GNPTAB: variants seen among roughly 807,000 people sequenced by gnomAD.
GNPTAB encodes N-acetylglucosamine-1-phosphotransferase subunits alpha/beta.
GNPTAB carries 92 observed loss-of-function variants against 136.6 expected under a neutral mutation model. The observed-to-expected ratio is 0.67, with a 90% confidence interval of 0.57 to 0.80. The LOEUF is 0.80. Ranked by LOEUF, GNPTAB falls within the 30% of genes least tolerant of loss-of-function variation. The probability of loss-of-function intolerance (pLI) is 0.00; values close to 1 mark genes in which losing one functional copy is unlikely to be tolerated. For missense variants in GNPTAB, 1,343 were observed against 1,501.8 expected (o/e 0.89, Z 1.75); for synonymous variants, 512 against 535.1 (o/e 0.96, Z 0.60).
chr12:101,751,866 G>A (rs575864363), intron 19 of GNPTAB, among the ~76,000 whole-genome samples: 24 of 152,304 alleles, frequency 1.6e-4, no homozygotes, highest in African/African-American at 3.9e-4. Flanking sequence ...AGGTTCATAC[G>A]CGGGCTCCCC....
chr12:101,780,650 C>A (rs575764520), intron 5 of GNPTAB, 29 bp from the exon 6 acceptor site: 2 of 1,413,440 alleles, frequency 1.4e-6, no homozygotes, highest in African/African-American at 2.8e-5. Flanking sequence ...TAAACAAGCA[C>A]ATTTTTAATG....
chr12:101,759,320 G>A (rs889898381), intron 16 of GNPTAB, among the ~76,000 whole-genome samples: 19 of 131,622 alleles, frequency 1.4e-4, no homozygotes, highest in African/African-American at 4.9e-4. Flanking sequence ...CCAAGATAGC[G>A]CCACTGCACT....
rs1953067542 is a variant in GNPTAB, at chr12:101,765,051, A to G, written c.1866T>C (p.Asp622=). 2 of 1,614,014 alleles carry G rather than the reference A, an allele frequency of 1.2e-6. No individual in the cohort carries two copies. Among genetic ancestry groups the G allele is most frequent in the African/African-American group, 2.7e-5 (2 of 74,924 alleles). Residue 622 remains aspartate, a synonymous_variant, in exon 13 of 21, where the codon GAT becomes GAC. Transcript: ENST00000299314. ...HFNLTFQNTN[D]EEFKMQITVE... ...CTGTTATCTGCATTTTGAACTCTTC[A>G]TCGTTTGTATTTTGAAACGTGAGAT... is the stretch of plus-strand genomic sequence containing the variant.
At chr12:101,798,240 T>C (rs1566091286) in intron 1 of GNPTAB, among the ~76,000 whole-genome samples, 1 of 152,222 alleles carries the variant, frequency 6.6e-6, no homozygotes, top group Non-Finnish European at 1.5e-5. Context: ...CCTGTCGCCC[T>C]GGTGGCTCCT....
At chr12:101,759,332 C>T (rs1310528469) in intron 16 of GNPTAB, among the ~76,000 whole-genome samples, 3 of 132,618 alleles carry the variant, frequency 2.3e-5, no homozygotes, top group South Asian at 5.0e-4. Context: ...CACTGCACTC[C>T]GGCCTGGGTG....
In GNPTAB at chr12:101,746,575, T is replaced by C. The variant is rs574417465; in HGVS notation, c.*589A>G. 1.3e-5 allele frequency: 2 copies of C among 153,470 alleles called. No homozygotes were observed. The highest frequency in any genetic ancestry group is 4.8e-5 in the African/African-American group (2 of 41,578). 9.5% of individuals were successfully genotyped at this position (153,470 alleles called of 1,614,324 possible). A position where few individuals can be genotyped will look rare whatever the true frequency, so the allele number is the denominator to read the frequency against. The stretch of plus-strand genomic sequence containing the variant: ...TCAGTAGTTAGTGGTTTAAGACCAT[T>C]TACAGTCTTAAATATTAATAAAACT... On this transcript the variant is annotated 3_prime_UTR_variant, in exon 21 of 21. Coordinates refer to ENST00000299314, the MANE Select transcript of GNPTAB (RefSeq NM_024312.5).
At chr12:101,755,228 C>T (rs76304844) in intron 18 of GNPTAB, among the ~76,000 whole-genome samples, 95 of 152,122 alleles carry the variant, frequency 6.2e-4, no homozygotes, top group African/African-American at 2.2e-3. Flanking sequence ...TTAGATGAAA[C>T]AAGGTCAAAT....
chr12:101,807,348 T>C (rs1869979308), intron 1 of GNPTAB, among the ~76,000 whole-genome samples: 1 of 152,180 alleles, frequency 6.6e-6, no homozygotes, highest in Non-Finnish European at 1.5e-5. Context: ...AACTACATGC[T>C]TTCCTCCTAA....
At position 101,764,387 on chromosome 12, in the gene GNPTAB, T is replaced by A. The variant is rs1457591234; in HGVS notation, c.2530A>T (p.Ser844Cys). Residue 844 changes from serine (S) to cysteine (C), a missense_variant, in exon 13 of 21, where the codon AGC (serine) becomes TGC (cysteine). Physicochemically the swap from Ser to Cys is moderately radical, Grantham distance 112. Coordinates refer to ENST00000299314, the MANE Select transcript of GNPTAB (RefSeq NM_024312.5). ...ATTTTCTTTTCTTTTGTCATCTGGC[T>A]TTCCAGTGGAACAATCAGAGATGGG... The part of the protein sequence containing the change: ...KPPSLIVPLE[S>C]QMTKEKKITG... The A allele has an allele frequency of 1.2e-5, 19 of 1,613,818 alleles. No individual in the cohort carries two copies. The highest frequency in any genetic ancestry group is 1.5e-5 in the Non-Finnish European group (18 of 1,180,034).
intron 20 of GNPTAB, among the ~76,000 whole-genome samples, chr12:101,748,266 T>G (rs959027241): frequency 1.3e-5 from 2 of 152,234 alleles, no homozygotes; most frequent in African/African-American, 4.8e-5. Flanking sequence ...TCATTTATCC[T>G]GAAGCTCTCA....
At chr12:101,758,823 G>C (rs1312963025) in intron 16 of GNPTAB, among the ~76,000 whole-genome samples, 1 of 152,154 alleles carries the variant, frequency 6.6e-6, no homozygotes, top group Non-Finnish European at 1.5e-5. Flanking sequence ...TTGAAGATTT[G>C]CAAGATCGTA....
intron 13 of GNPTAB, among the ~76,000 whole-genome samples, chr12:101,762,928 A>AAG: frequency 6.6e-6 from 1 of 151,034 alleles, no homozygotes; most frequent in South Asian, 2.1e-4. Context: ...AAAAAAAGGA[A>AAG]AGAGGCCAGA....
chr12:101,810,306 G>A (rs142878085), intron 1 of GNPTAB, among the ~76,000 whole-genome samples: 37 of 151,606 alleles, frequency 2.4e-4, no homozygotes, highest in African/African-American at 8.5e-4. Context: ...ACTATTTAGG[G>A]GAGAGGGAGT....
At chr12:101,795,614 G>A (rs962174334) in intron 2 of GNPTAB, among the ~76,000 whole-genome samples, 4 of 151,822 alleles carry the variant, frequency 2.6e-5, no homozygotes, top group African/African-American at 4.8e-5. Flanking sequence ...TTAGCTGTGC[G>A]TGGTGGTGCA....
intron 8 of GNPTAB, 59 bp downstream of exon 8, chr12:101,770,937 C>T (rs1426777956): frequency 2.6e-5 from 39 of 1,499,302 alleles, no homozygotes; most frequent in African/African-American, 2.8e-5. Context: ...TAGTAACTTA[C>T]ACATTTTTAA....
In GNPTAB at chr12:101,786,064, T is replaced by G. The variant is rs771723669; in HGVS notation, c.519A>C (p.Pro173=). 1 of 1,614,140 alleles carries G rather than the reference T, an allele frequency of 6.2e-7. No homozygotes were observed. The highest frequency in any genetic ancestry group is 1.7e-5 in the Admixed American group (1 of 60,022). ...CTGAGACATTGGTAGAAGGGTTTTT[T>G]GGTTTTGCAACATTGAAAATGTCAC... The part of the protein sequence containing the change: ...SASDIFNVAK[P]KNPSTNVSVV... The change falls in exon 5 of 21, where the codon CCA becomes CCC. Residue 173 remains proline, a synonymous_variant. Coordinates refer to ENST00000299314, the MANE Select transcript of GNPTAB (RefSeq NM_024312.5).
chr12:101,788,876 G>A (rs1055691005), intron 3 of GNPTAB, among the ~76,000 whole-genome samples: 1 of 152,208 alleles, frequency 6.6e-6, no homozygotes, highest in Non-Finnish European at 1.5e-5. Context: ...AATCAAAGGG[G>A]AATTACATCA....
At chr12:101,829,010 A>G (rs1312311446) in intron 1 of GNPTAB, among the ~76,000 whole-genome samples, 1 of 152,186 alleles carries the variant, frequency 6.6e-6, no homozygotes, top group Non-Finnish European at 1.5e-5. Context: ...ATTATGCCTT[A>G]CAAGTTAACC....
chr12:101,784,553 C>G (rs1289373073), intron 5 of GNPTAB, among the ~76,000 whole-genome samples: 1 of 152,044 alleles, frequency 6.6e-6, no homozygotes, highest in Non-Finnish European at 1.5e-5. Context: ...TATGTGAGAC[C>G]TGTGTGCCAG....
Sources: allele counts gnomAD v4.1 joint callset (sites outside exome capture counted in the v4.1 genomes callset), GRCh38; gene constraint gnomAD v4.1.1; transcripts MANE v1.5; gene names NCBI Gene and HGNC (gene_info 2026-07-23, HGNC 2026-07-21).